TTC28: variants seen among roughly 807,000 people sequenced by gnomAD.
TTC28 encodes the protein tetratricopeptide repeat protein 28.
TTC28 carries 61 observed loss-of-function variants against 198.0 expected under a neutral mutation model. That is an observed-to-expected ratio of 0.31 (90% CI 0.25 to 0.38). TTC28 has a LOEUF of 0.38. Ranked by LOEUF, TTC28 falls within the 10% of genes least tolerant of loss-of-function variation. TTC28 has a pLI of 1.00. For missense variants in TTC28, 2,678 were observed against 3,164.0 expected, an observed-to-expected ratio of 0.85 and a Z score of 3.69; for synonymous variants, 1,171 against 1,297.8, an observed-to-expected ratio of 0.90 and a Z score of 2.10.
chr22:28,554,558 C>G (rs2049757080), intron 2 of TTC28, among the ~76,000 whole-genome samples: 1 of 152,090 alleles, frequency 6.6e-6, no homozygotes, highest in Non-Finnish European at 1.5e-5. Context: ...AACTTAAAAG[C>G]TTCTGCACAG....
Position 28,269,868 on chromosome 22 carries a change from GAA to G in TTC28, c.933+26328_933+26329del, listed in dbSNP as rs572249626. 3.4e-3 allele frequency among the ~76,000 whole-genome samples: 522 copies of G among 152,292 alleles called. 1 individual carries two copies. Among genetic ancestry groups the G allele is most frequent in the Admixed American group, 6.7e-3 (103 of 15,296 alleles). On this transcript the variant is annotated intron_variant, in intron 5 of 22. Coordinates refer to ENST00000397906, the MANE Select transcript of TTC28 (RefSeq NM_001145418.2). ...CCATCCCAATCAACCTCTATAGTGA[GAA>G]GAGTGAAGGGAAGAAAGAAGCACAA...
intron 2 of TTC28, 121 bp downstream of exon 2, chr22:28,629,431 G>C: frequency 1.0e-6 from 1 of 986,748 alleles, no homozygotes; most frequent in East Asian, 2.6e-5. Flanking sequence ...TTTATATTTT[G>C]CTGAAGTACA....
chr22:28,254,995 T>C (rs1343693459), intron 5 of TTC28, among the ~76,000 whole-genome samples: 2 of 152,168 alleles, frequency 1.3e-5, no homozygotes, highest in Non-Finnish European at 2.9e-5. Flanking sequence ...TGCATAGATA[T>C]GGAGTCTGAA....
intron 2 of TTC28, among the ~76,000 whole-genome samples, chr22:28,591,071 A>G (rs2050427117): frequency 1.5e-5 from 2 of 130,404 alleles, no homozygotes; most frequent in South Asian, 4.8e-4. Context: ...ATATATATAT[A>G]TATATATATA....
At position 28,664,720 on chromosome 22, in the gene TTC28, T is replaced by C. The variant is rs1227978642; in HGVS notation, c.102+14902A>G. ...AGAATGGAACCAAGTTGGAAAACAC[T>C]CTGCAGGATATTATCCAGGAGAACT... On this transcript the variant is annotated intron_variant, in intron 1 of 22. Transcript: ENST00000397906. 9.1e-3 allele frequency among the ~76,000 whole-genome samples: 104 copies of C among 11,440 alleles called. 9 individuals are homozygous for C. Among genetic ancestry groups the C allele is most frequent in the African/African-American group, 0.052 (103 of 1,982 alleles). The allele number at this position is 11,440 out of a possible 152,430, so 7.5% of individuals were successfully genotyped here.
intron 17 of TTC28, among the ~76,000 whole-genome samples, chr22:27,995,790 G>A (rs1257080912): frequency 4.6e-5 from 7 of 152,112 alleles, no homozygotes; most frequent in Admixed American, 6.5e-5. Context: ...GGTCACTGTC[G>A]TCGGCTGCCC....
intron 10 of TTC28, 74 bp downstream of exon 10, chr22:28,098,840 CA>C: frequency 6.7e-7 from 1 of 1,496,444 alleles, no homozygotes; most frequent in Non-Finnish European, 8.9e-7. Flanking sequence ...TGTCACTAAA[CA>C]ACTTGGACAC....
At chr22:28,568,120 A>G (rs948544185) in intron 2 of TTC28, among the ~76,000 whole-genome samples, 1 of 152,214 alleles carries the variant, frequency 6.6e-6, no homozygotes, top group African/African-American at 2.4e-5. Flanking sequence ...GCATTTTCAG[A>G]GTAATACTAA....
At chr22:28,507,390 A>G (rs1236986725) in intron 2 of TTC28, among the ~76,000 whole-genome samples, 1 of 152,230 alleles carries the variant, frequency 6.6e-6, no homozygotes, top group East Asian at 1.9e-4. Context: ...ACAAAACCTC[A>G]AAGAAATATG....
chr22:27,990,750 G>T (rs1601487599), intron 20 of TTC28, 39 bp downstream of exon 20: 1 of 1,546,198 alleles, frequency 6.5e-7, no homozygotes, highest in Non-Finnish European at 8.7e-7. Context: ...GGGTTGAGGG[G>T]CTCACCTGAC....
In TTC28 at chr22:28,210,552, A is replaced by G. The variant is rs549379260; in HGVS notation, c.934-46953T>C. 1.8e-4 allele frequency among the ~76,000 whole-genome samples: 28 copies of G among 152,250 alleles called. No homozygotes were observed. The South Asian group carries it at 1.9e-3, about 10-fold the overall frequency. Reference sequence around the variant, plus strand: ...GAAAGGGTATCAGTGATGGAAGAGCAAATGAATGAAATGAAGCAAGAAGAG... The same window carrying G: ...GAAAGGGTATCAGTGATGGAAGAGCGAATGAATGAAATGAAGCAAGAAGAG... On this transcript the variant is annotated intron_variant, in intron 5 of 22. Transcript: ENST00000397906.
chr22:28,613,119 C>A (rs924801189), intron 2 of TTC28, among the ~76,000 whole-genome samples: 9 of 151,766 alleles, frequency 5.9e-5, no homozygotes, highest in African/African-American at 1.9e-4. Context: ...AGAGAAGAAT[C>A]AAAAAAACAC....
intron 2 of TTC28, among the ~76,000 whole-genome samples, chr22:28,535,179 A>C (rs1313136515): frequency 6.6e-6 from 1 of 152,176 alleles, no homozygotes; most frequent in Non-Finnish European, 1.5e-5. Context: ...ATGACTCATG[A>C]CTTTACAGTT....
intron 5 of TTC28, among the ~76,000 whole-genome samples, chr22:28,179,500 T>G (rs1343992535): frequency 6.6e-6 from 1 of 152,180 alleles, no homozygotes; most frequent in Non-Finnish European, 1.5e-5. Flanking sequence ...CTGACTTCTC[T>G]CTGTCCAGGC....
intron 5 of TTC28, among the ~76,000 whole-genome samples, chr22:28,177,534 C>T (rs1249335411): frequency 2.0e-5 from 3 of 152,160 alleles, no homozygotes; most frequent in Non-Finnish European, 2.9e-5. Context: ...GAACACATGT[C>T]CACACGAAAA....
At chr22:28,547,028 G>A (rs2049558134) in intron 2 of TTC28, among the ~76,000 whole-genome samples, 1 of 152,190 alleles carries the variant, frequency 6.6e-6, no homozygotes, top group Non-Finnish European at 1.5e-5. Context: ...GGTCATGGAA[G>A]TGCTCTATAT....
intron 5 of TTC28, among the ~76,000 whole-genome samples, chr22:28,221,162 A>C (rs1230928626): frequency 6.6e-6 from 1 of 152,098 alleles, no homozygotes; most frequent in Non-Finnish European, 1.5e-5. Context: ...TACGGGCCCT[A>C]GGAGGAGGAA....
chr22:28,089,876 A>G (rs1206971163), intron 12 of TTC28, among the ~76,000 whole-genome samples: 1 of 151,876 alleles, frequency 6.6e-6, no homozygotes, highest in Non-Finnish European at 1.5e-5. Context: ...AAAAAACCAC[A>G]TACCGCATGT....
intron 2 of TTC28, among the ~76,000 whole-genome samples, chr22:28,540,871 TGGACA>T (rs1435288449): frequency 3.3e-5 from 5 of 152,176 alleles, no homozygotes; most frequent in Admixed American, 3.3e-4. Context: ...CATAAGTCAA[TGGACA>T]GGTAAAATTG....
Sources: allele counts gnomAD v4.1 joint callset (sites outside exome capture counted in the v4.1 genomes callset), GRCh38; gene constraint gnomAD v4.1.1; transcripts MANE v1.5; gene names NCBI Gene and HGNC (gene_info 2026-07-23, HGNC 2026-07-21).